Variants in ITGA8 observed in about 807,000 individuals in gnomAD.
The protein encoded by ITGA8 is integrin alpha-8.
In ITGA8, 91 loss-of-function variants were observed where a neutral mutation model predicts 142.3. The observed-to-expected ratio is 0.64, with a 90% CI of 0.54 to 0.76. ITGA8 has a LOEUF of 0.76. Among genes scored for constraint, ITGA8 ranks in the 30% least tolerant of loss-of-function variants. The pLI, the probability that ITGA8 is intolerant of heterozygous loss-of-function variation, is 0.00. For missense variants in ITGA8, 1,406 were observed against 1,327.7 expected (o/e 1.06, Z -0.92); for synonymous variants, 505 against 485.2 (o/e 1.04, Z -0.54).
chr10:15,705,884 C>T (rs1483740857), intron 2 of ITGA8, among the ~76,000 whole-genome samples: 2 of 152,136 alleles, frequency 1.3e-5, no homozygotes, highest in Admixed American at 1.3e-4. Context: ...CTCCTCAAAT[C>T]CCCGGTATTT....
At chr10:15,530,730 G>A (rs1833272503) in intron 28 of ITGA8, among the ~76,000 whole-genome samples, 1 of 152,078 alleles carries the variant, frequency 6.6e-6, no homozygotes, top group African/African-American at 2.4e-5. Context: ...GACTAACCAT[G>A]CTGTTTAAAA....
intron 14 of ITGA8, among the ~76,000 whole-genome samples, chr10:15,616,222 G>C (rs1055898484): frequency 4.6e-5 from 7 of 152,198 alleles, no homozygotes; most frequent in Non-Finnish European, 8.8e-5. Flanking sequence ...CCAAAGCAAA[G>C]AGAATAAATC....
chr10:15,644,027 T>C lies in ITGA8; in HGVS notation c.1399+3A>G. On this transcript the variant is annotated splice_donor_region_variant and intron_variant, in intron 13 of 29. Transcript: ENST00000378076. ...TCACGTGGGAAAAGAAAGAAAACCT[T>C]ACCTGGGTAATCATTCTTGTCTATG... The C allele has an allele frequency of 6.2e-7, 1 of 1,610,102 alleles. No individual in the cohort carries two copies. Among genetic ancestry groups the C allele is most frequent in the East Asian group, 2.2e-5 (1 of 44,764 alleles).
At chr10:15,616,859 C>A (rs1034433509) in intron 13 of ITGA8, among the ~76,000 whole-genome samples, 8 of 152,128 alleles carry the variant, frequency 5.3e-5, no homozygotes, top group Non-Finnish European at 8.8e-5. Flanking sequence ...GCATATACAC[C>A]CAGGGAAGGA....
At position 15,604,215 on chromosome 10, in the gene ITGA8, T is replaced by A; in HGVS notation, c.2111A>T (p.Asn704Ile). The A allele has an allele frequency of 8.1e-6, 13 of 1,610,014 alleles. No individual in the cohort carries two copies. Among genetic ancestry groups the A allele is most frequent in the African/African-American group, 1.3e-5 (1 of 74,854 alleles). ...EEADYVGIER[N>I]NKGFRPLSCE... ...ACAATTTGCAGGCATTACCTTGTTG[T>A]TGCGTTCGATTCCAACATAATCTGC... The change falls in exon 20 of 30, where the codon AAC (asparagine) becomes ATC (isoleucine). Residue 704 changes from asparagine (N) to isoleucine (I), a missense_variant. Coordinates refer to ENST00000378076, the MANE Select transcript of ITGA8 (RefSeq NM_003638.3).
At chr10:15,655,765 A>G (rs1834172727) in intron 10 of ITGA8, among the ~76,000 whole-genome samples, 1 of 152,178 alleles carries the variant, frequency 6.6e-6, no homozygotes, top group African/African-American at 2.4e-5. Flanking sequence ...GAAGGAATCT[A>G]ATTCCAATTC....
chr10:15,716,374 A>C (rs1041161343), intron 2 of ITGA8, among the ~76,000 whole-genome samples: 1 of 152,202 alleles, frequency 6.6e-6, no homozygotes, highest in South Asian at 2.1e-4. Context: ...ATCAATCTCT[A>C]AAGCCCTTTG....
intron 27 of ITGA8, among the ~76,000 whole-genome samples, chr10:15,541,117 G>A (rs1037578583): frequency 6.6e-6 from 1 of 152,216 alleles, no homozygotes; most frequent in Admixed American, 6.5e-5. Context: ...AGCTCTGTGT[G>A]TGCTGCCTAG....
intron 2 of ITGA8, among the ~76,000 whole-genome samples, chr10:15,703,786 C>A (rs147142545): frequency 1.8e-4 from 28 of 152,304 alleles, no homozygotes; most frequent in Non-Finnish European, 4.0e-4. Flanking sequence ...TGCTCAAACA[C>A]ACAGACACAC....
chr10:15,574,810 C>T lies in ITGA8; in HGVS notation c.2478+679G>A, dbSNP rs369767591. On this transcript the variant is annotated intron_variant, in intron 24 of 29. Transcript: ENST00000378076. ...GTTTAAAAGATGAGTGGGTAACCTT[C>T]AGTTTAAAAGATATAAACATATCTG... Among the ~76,000 whole-genome samples, 62 of 151,816 alleles carry T rather than the reference C, an allele frequency of 4.1e-4. No homozygotes were observed. In the East Asian group the frequency reaches 5.0e-3, roughly 12 times the overall value.
rs1009752053 is a variant in ITGA8, at chr10:15,660,767, T to G, written c.891+112A>C. ...CGGTGGATTAGGTGTATTAAGTGTG[T>G]TTTCAACTGACAGTATTTTCAATTT... On this transcript the variant is annotated intron_variant, in intron 9 of 29. Transcript: ENST00000378076. 4.6e-6 allele frequency: 4 copies of G among 866,064 alleles called. No homozygotes were observed. The East Asian group carries it at 1.0e-4, about 22-fold the overall frequency. 53.6% of individuals were successfully genotyped at this position (866,064 alleles called of 1,614,324 possible).
At chr10:15,656,486 C>T (rs945153275) in intron 10 of ITGA8, among the ~76,000 whole-genome samples, 11 of 151,996 alleles carry the variant, frequency 7.2e-5, no homozygotes, top group Admixed American at 7.2e-4. Context: ...GCCTCAGCCT[C>T]CTGAGTAACT....
chr10:15,634,761 G>C (rs1833742049), intron 13 of ITGA8, among the ~76,000 whole-genome samples: 1 of 152,108 alleles, frequency 6.6e-6, no homozygotes, highest in South Asian at 2.1e-4. Context: ...TGAATCATGG[G>C]ACTAGAAATA....
chr10:15,711,272 G>A (rs1835358545), intron 2 of ITGA8, among the ~76,000 whole-genome samples: 1 of 152,136 alleles, frequency 6.6e-6, no homozygotes, highest in African/African-American at 2.4e-5. Flanking sequence ...ATGATGATCT[G>A]ACCAATCGTT....
At position 15,646,875 on chromosome 10, in the gene ITGA8, A is replaced by G. The variant is rs2131652187; in HGVS notation, c.1178T>C (p.Leu393Ser). The G allele has an allele frequency of 1.9e-6, 3 of 1,613,960 alleles. No homozygotes were observed. The highest frequency in any genetic ancestry group is 2.5e-6 in the Non-Finnish European group (3 of 1,179,994). Residue 393 changes from leucine (L) to serine (S), a missense_variant, in exon 12 of 30, where the codon TTA becomes TCA. By Grantham distance (145) the Leu-to-Ser change is moderately radical (BLOSUM62 -2). Coordinates refer to ENST00000378076, the MANE Select transcript of ITGA8 (RefSeq NM_003638.3). ...FGRFGSAMAH[L>S]GDLNQDGYND... ...GTATCCATCTTGGTTCAGGTCTCCTAAGTGTGCCATAGCACTACCGAATCT... is the reference window on the plus strand; with the variant it reads ...GTATCCATCTTGGTTCAGGTCTCCTGAGTGTGCCATAGCACTACCGAATCT...
chr10:15,711,073 G>T (rs1713223557), intron 2 of ITGA8, among the ~76,000 whole-genome samples: 1 of 152,120 alleles, frequency 6.6e-6, no homozygotes, highest in Non-Finnish European at 1.5e-5. Context: ...TATTTAAAGT[G>T]AGCTCTCTTC....
intron 13 of ITGA8, among the ~76,000 whole-genome samples, chr10:15,635,139 T>C (rs1833751742): frequency 1.3e-5 from 2 of 151,644 alleles, no homozygotes; most frequent in Admixed American, 1.3e-4. Flanking sequence ...CCTGAGTAGC[T>C]GGGACTACAG....
intron 27 of ITGA8, among the ~76,000 whole-genome samples, chr10:15,533,578 C>T (rs1051005132): frequency 1.3e-5 from 2 of 152,074 alleles, no homozygotes; most frequent in East Asian, 3.9e-4. Flanking sequence ...TTCCATGCTC[C>T]CAAACCTCCA....
chr10:15,623,133 A>C (rs891724709), intron 13 of ITGA8, among the ~76,000 whole-genome samples: 5 of 143,676 alleles, frequency 3.5e-5, no homozygotes, highest in Middle Eastern at 3.5e-3. Context: ...GATAGATCAA[A>C]GAAAAGCTAA....
Sources: allele counts gnomAD v4.1 joint callset (sites outside exome capture counted in the v4.1 genomes callset), GRCh38; gene constraint gnomAD v4.1.1; transcripts MANE v1.5; gene names NCBI Gene and HGNC (gene_info 2026-07-23, HGNC 2026-07-21).